SLCO1B3: variants seen among roughly 807,000 people sequenced by gnomAD.
SLCO1B3 encodes the protein liver-specific organic anion transporter 2.
SLCO1B3 carries 72 observed loss-of-function variants against 71.8 expected under a neutral mutation model. The observed-to-expected ratio is 1.00, with a 90% CI of 0.83 to 1.22. The LOEUF (loss-of-function observed/expected upper bound fraction) is 1.22, where lower values mean the gene tolerates loss of function less well. Ranked by LOEUF, SLCO1B3 falls within the 50% of genes most tolerant of loss-of-function variation. SLCO1B3 has a pLI of 0.00. For synonymous variants in SLCO1B3, 298 were observed against 278.4 expected, an observed-to-expected ratio of 1.07 and a Z score of -0.70; for missense variants, 911 against 819.7, an observed-to-expected ratio of 1.11 and a Z score of -1.36.
At chr12:20,857,125 T>G (rs1339885903) in intron 4 of SLCO1B3, among the ~76,000 whole-genome samples, 1 of 152,216 alleles carries the variant, frequency 6.6e-6, no homozygotes, top group Non-Finnish European at 1.5e-5. Flanking sequence ...ATCTACTGTT[T>G]TATAACATTC....
intron 11 of SLCO1B3, 25 bp from the exon 12 acceptor site, chr12:20,880,830 A>G (rs757786904): frequency 1.3e-5 from 20 of 1,485,470 alleles, no homozygotes; most frequent in Non-Finnish European, 1.8e-5. Context: ...TCTTTTTTTG[A>G]TATATTTCTA....
intron 3 of SLCO1B3, among the ~76,000 whole-genome samples, chr12:20,825,805 A>G (rs1864408736): frequency 6.6e-6 from 1 of 150,982 alleles, no homozygotes; most frequent in African/African-American, 2.4e-5. Context: ...TCTCAAAAAA[A>G]AAAAAAAAAA....
At chr12:20,888,788 C>T (rs780740187) in intron 13 of SLCO1B3, among the ~76,000 whole-genome samples, 5 of 152,074 alleles carry the variant, frequency 3.3e-5, no homozygotes, top group African/African-American at 1.2e-4. Context: ...GTAATGCTTA[C>T]GATTTTCCCC....
intron 15 of SLCO1B3, among the ~76,000 whole-genome samples, chr12:20,907,253 G>A (rs1278848421): frequency 6.6e-6 from 1 of 152,050 alleles, no homozygotes; most frequent in African/African-American, 2.4e-5. Context: ...TAAATTCACT[G>A]TCTAACATCC....
chr12:20,875,039 G>C (rs1425231987), intron 8 of SLCO1B3, among the ~76,000 whole-genome samples, 196 bp from the exon 9 acceptor site: 2 of 152,132 alleles, frequency 1.3e-5, no homozygotes, highest in Admixed American at 1.3e-4. Flanking sequence ...CTGGACAATA[G>C]CAATTGCAAG....
At chr12:20,859,490 T>TCCCG (rs1565592069) in intron 5 of SLCO1B3, among the ~76,000 whole-genome samples, 12 of 140,584 alleles carry the variant, frequency 8.5e-5, no homozygotes, top group South Asian at 4.8e-4. Flanking sequence ...TCTGTTTTTT[T>TCCCG]CCCCCTCTAC....
intron 3 of SLCO1B3, chr12:20,845,152 A>T (rs536217869): frequency 6.5e-6 from 3 of 463,180 alleles, no homozygotes; most frequent in African/African-American, 4.1e-5. Flanking sequence ...CATTGAGCTC[A>T]CCGGGCTGAT....
chr12:20,866,397 A>G (rs188501113), intron 8 of SLCO1B3, among the ~76,000 whole-genome samples: 1 of 152,272 alleles, frequency 6.6e-6, no homozygotes, highest in East Asian at 1.9e-4. Flanking sequence ...TTTATATCAT[A>G]TTGAAAATTC....
chr12:20,854,959 C>G lies in SLCO1B3; in HGVS notation c.85-69C>G, dbSNP rs912416509. The G allele has an allele frequency of 1.4e-5, 19 of 1,379,192 alleles. No individual in the cohort carries two copies. The African/African-American group carries it at 2.2e-4, about 16-fold the overall frequency. The allele number at this position is 1,379,192 out of a possible 1,614,324, so 85.4% of individuals were successfully genotyped here. On this transcript the variant is annotated intron_variant, in intron 3 of 15. Coordinates refer to ENST00000381545, the MANE Select transcript of SLCO1B3 (RefSeq NM_019844.4). Reference sequence around the variant, plus strand: ...GTAAAGAAGAAAAACTGTTTTAGTTCCATGTACCTATAAACATTATATAGT... The same window carrying G: ...GTAAAGAAGAAAAACTGTTTTAGTTGCATGTACCTATAAACATTATATAGT...
chr12:20,846,572 G>A (rs1258247275), intron 3 of SLCO1B3, among the ~76,000 whole-genome samples: 1 of 152,122 alleles, frequency 6.6e-6, no homozygotes, highest in Non-Finnish European at 1.5e-5. Context: ...AAAAGTATAT[G>A]AAGTAAAAAG....
intron 13 of SLCO1B3, among the ~76,000 whole-genome samples, chr12:20,888,489 T>C (rs753175168): frequency 9.9e-5 from 15 of 152,034 alleles, no homozygotes; most frequent in Non-Finnish European, 2.1e-4. Flanking sequence ...ATTTTGAGCT[T>C]GATCATTATT....
intron 3 of SLCO1B3, among the ~76,000 whole-genome samples, chr12:20,848,225 A>G (rs1436685093): frequency 2.6e-5 from 4 of 152,214 alleles, no homozygotes; most frequent in African/African-American, 9.6e-5. Context: ...GTAAACAACT[A>G]TATGAAAACA....
At chr12:20,867,812 G>A (rs144820698) in intron 8 of SLCO1B3, among the ~76,000 whole-genome samples, 22 of 152,248 alleles carry the variant, frequency 1.4e-4, no homozygotes, top group Non-Finnish European at 2.4e-4. Flanking sequence ...AAGCCACACT[G>A]TGTGTACCTG....
chr12:20,862,512 A>T lies in SLCO1B3; in HGVS notation c.582A>T (p.Ser194=). 1.2e-6 allele frequency: 2 copies of T among 1,612,304 alleles called. No homozygotes were observed. Among genetic ancestry groups the T allele is most frequent in the Non-Finnish European group, 1.7e-6 (2 of 1,178,910 alleles). The change falls in exon 7 of 16, where the codon TCA becomes TCT. Residue 194 remains serine, a synonymous_variant. Coordinates refer to ENST00000381545, the MANE Select transcript of SLCO1B3 (RefSeq NM_019844.4). The stretch of plus-strand genomic sequence containing the variant: ...CCCCCATAGTACCATTGGGGATTTC[A>T]TACATTGATGATTTTGCAAAAGAAG... ...GETPIVPLGI[S]YIDDFAKEGH...
chr12:20,818,658 G>C (rs925341994), intron 3 of SLCO1B3, among the ~76,000 whole-genome samples: 1 of 151,680 alleles, frequency 6.6e-6, no homozygotes, highest in Non-Finnish European at 1.5e-5. Context: ...AGATTTCTAC[G>C]ATGGAAAGGA....
intron 8 of SLCO1B3, among the ~76,000 whole-genome samples, chr12:20,867,582 T>C (rs1196719144): frequency 6.6e-6 from 1 of 152,032 alleles, no homozygotes; most frequent in Non-Finnish European, 1.5e-5. Context: ...GAAGAAGACA[T>C]GGAAGAAGCA....
At chr12:20,825,213 TG>T (rs1391078254) in intron 3 of SLCO1B3, among the ~76,000 whole-genome samples, 17 of 152,182 alleles carry the variant, frequency 1.1e-4, no homozygotes, top group Non-Finnish European at 2.5e-4. Context: ...GTCCTGATGC[TG>T]GTCTTTCATC....
At chr12:20,914,504 A>C (rs947683944) in intron 15 of SLCO1B3, among the ~76,000 whole-genome samples, 1 of 152,062 alleles carries the variant, frequency 6.6e-6, no homozygotes, top group Non-Finnish European at 1.5e-5. Flanking sequence ...TATATTATAT[A>C]TAATTAAATA....
intron 8 of SLCO1B3, among the ~76,000 whole-genome samples, chr12:20,871,221 T>A (rs1328585203): frequency 6.6e-6 from 1 of 152,204 alleles, no homozygotes; most frequent in Non-Finnish European, 1.5e-5. Flanking sequence ...TATTCCCTGC[T>A]CCTCCATTTT....
Sources: gnomAD v4.1 joint callset for allele counts (sites outside exome capture counted in the v4.1 genomes callset) on GRCh38, gnomAD v4.1.1 for gene constraint, MANE v1.5 for transcripts, NCBI Gene and HGNC (gene_info 2026-07-23, HGNC 2026-07-21) for gene names.